Variants in TCF20 observed in about 807,000 individuals in gnomAD.
The protein encoded by TCF20 is SPRE-binding protein.
In TCF20, 3 loss-of-function variants were observed where a neutral mutation model predicts 148.6. The ratio of observed to expected loss-of-function variants is 0.02; its 90% CI spans 0.01 to 0.05. The LOEUF (loss-of-function observed/expected upper bound fraction) is 0.05. Ranked by LOEUF, TCF20 falls within the 10% of genes least tolerant of loss-of-function variation. The pLI is 1.00. For synonymous variants in TCF20, 1,049 were observed against 909.5 expected (o/e 1.15, Z -2.76); for missense variants, 2,350 against 2,429.3 (o/e 0.97, Z 0.69).
chr22:42,254,862 G>A (rs894700854), intron 1 of TCF20, among the ~76,000 whole-genome samples: 3 of 149,878 alleles, frequency 2.0e-5, no homozygotes, highest in African/African-American at 7.4e-5. Context: ...ATACTCTGGA[G>A]GCTGAGGCAG....
At chr22:42,315,375 G>C (rs375050425) in intron 1 of TCF20, among the ~76,000 whole-genome samples, 83 of 152,202 alleles carry the variant, frequency 5.5e-4, no homozygotes, top group African/African-American at 1.2e-3. Context: ...GCTCAGAGAG[G>C]AAGGACTCTC....
intron 2 of TCF20, among the ~76,000 whole-genome samples, chr22:42,184,083 G>A (rs1311454231): frequency 6.6e-6 from 1 of 151,928 alleles, no homozygotes; most frequent in Non-Finnish European, 1.5e-5. Context: ...GTTCTTTAAT[G>A]CAACAGATTT....
rs549674571 is a variant in TCF20, at chr22:42,193,394, C to T, written c.5656-13692G>A. ...TTGTGCCACTGTACTCATAGTGGAA[C>T]AATCAGAGCTCACTGCAACCTCAAA... On this transcript the variant is annotated intron_variant, in intron 2 of 5. Coordinates refer to ENST00000677622, the MANE Select transcript of TCF20 (RefSeq NM_001378418.1). Among the ~76,000 whole-genome samples the T allele has an allele frequency of 4.7e-5, 7 of 150,174 alleles. No individual in the cohort carries two copies. The South Asian group carries it at 8.7e-4, about 19-fold the overall frequency.
chr22:42,165,476 C>T (rs1935727361), intron 5 of TCF20, among the ~76,000 whole-genome samples: 1 of 152,224 alleles, frequency 6.6e-6, no homozygotes, highest in South Asian at 2.1e-4. Flanking sequence ...AAAAGCCCTG[C>T]CAACCAATGA....
Position 42,210,990 on chromosome 22 carries a change from C to T in TCF20, c.4316G>A (p.Gly1439Asp). The part of the protein sequence containing the change: ...PLPRSSEEWR[G>D]SVDDKVKTET... ...TGTCTTCACTTTGTCATCCACGCTGCCACGCCACTCTTCTGAAGACCTTGG... is the reference window on the plus strand; with the variant it reads ...TGTCTTCACTTTGTCATCCACGCTGTCACGCCACTCTTCTGAAGACCTTGG... The change falls in exon 2 of 6, where the codon GGC (glycine) becomes GAC (aspartate). Residue 1439 changes from glycine to aspartate, a missense_variant. Gly to Asp is a moderately conservative substitution (Grantham distance 94). This residue lies in a region of TCF20 where 231 missense variants were observed against 213.7 expected (regional missense o/e 1.08). Coordinates refer to ENST00000677622, the MANE Select transcript of TCF20 (RefSeq NM_001378418.1). The surrounding 1 kb of genome is among the most constrained non-coding windows in gnomAD (Gnocchi z 4.7). 6.2e-7 allele frequency: 1 copy of T among 1,614,130 alleles called. No homozygotes were observed. Among genetic ancestry groups the T allele is most frequent in the Non-Finnish European group, 8.5e-7 (1 of 1,180,016 alleles).
rs767100749 is a variant in TCF20, at chr22:42,214,355, TTGCTGC to T, written c.945_950del (p.Gln316_Gln317del). On this transcript the variant is annotated inframe_deletion, in exon 2 of 6. Transcript: ENST00000677622. ...GAGAAGGGTGTTGTTGTTGCTGCGG[TTGCTGC>T]TGCTGCTGCCCCTGTTGGGTCCCTT... The T allele has an allele frequency of 3.1e-6, 5 of 1,614,104 alleles. No individual in the cohort carries two copies. Among genetic ancestry groups the T allele is most frequent in the African/African-American group, 1.3e-5 (1 of 74,926 alleles).
intron 1 of TCF20, among the ~76,000 whole-genome samples, chr22:42,228,954 T>C (rs751044518): frequency 1.3e-5 from 2 of 152,196 alleles, no homozygotes; most frequent in Non-Finnish European, 2.9e-5. Context: ...TTTGTTTCTG[T>C]TGTGTCTGTG....
chr22:42,296,830 C>T (rs1417089474), intron 1 of TCF20, among the ~76,000 whole-genome samples: 1 of 152,232 alleles, frequency 6.6e-6, no homozygotes, highest in Non-Finnish European at 1.5e-5. Flanking sequence ...TTATTCAGCT[C>T]AGCTTTTCGC....
Position 42,215,144 on chromosome 22 carries a change from G to A in TCF20, c.162C>T (p.Gly54=). 6.2e-7 allele frequency: 1 copy of A among 1,606,744 alleles called. No individual in the cohort carries two copies. The highest frequency in any genetic ancestry group is 8.5e-7 in the Non-Finnish European group (1 of 1,173,558). The change falls in exon 2 of 6, where the codon GGC becomes GGT. Residue 54 remains glycine (G), a synonymous_variant. Transcript: ENST00000677622. ...TGGSSGSSGS[G]SGGGRRGAAA... ...CTGCTCCTCGTCGTCCACCACCACT[G>A]CCACTGCCACTGCTGCCACTACTGC... is the stretch of plus-strand genomic sequence containing the variant.
At chr22:42,308,143 G>C (rs1222724963) in intron 1 of TCF20, among the ~76,000 whole-genome samples, 1 of 152,088 alleles carries the variant, frequency 6.6e-6, no homozygotes, top group Admixed American at 6.6e-5. Flanking sequence ...TGTCTATAAT[G>C]CGTGGAGCCC....
chr22:42,227,377 T>C (rs184355445), intron 1 of TCF20, among the ~76,000 whole-genome samples: 1 of 152,236 alleles, frequency 6.6e-6, no homozygotes, highest in Non-Finnish European at 1.5e-5. Flanking sequence ...CTCCAACTGA[T>C]GCTTTACCTC....
At chr22:42,328,373 G>T (rs546181855) in intron 1 of TCF20, among the ~76,000 whole-genome samples, 1 of 152,310 alleles carries the variant, frequency 6.6e-6, no homozygotes, top group Non-Finnish European at 1.5e-5. Context: ...CAGGCATGTG[G>T]CTCCGAGGTC....
chr22:42,178,371 T>C (rs1936568379), intron 3 of TCF20, among the ~76,000 whole-genome samples: 1 of 152,214 alleles, frequency 6.6e-6, no homozygotes, highest in South Asian at 2.1e-4. Flanking sequence ...GATTGGTATA[T>C]GAAGTGGGGA....
At chr22:42,194,639 A>G (rs1024687175) in intron 2 of TCF20, among the ~76,000 whole-genome samples, 42 of 151,888 alleles carry the variant, frequency 2.8e-4, no homozygotes, top group African/African-American at 9.7e-4. Flanking sequence ...TTACTGAGAA[A>G]GCCAGGCAAA....
chr22:42,311,521 G>C (rs1927536497), intron 1 of TCF20, among the ~76,000 whole-genome samples: 2 of 152,338 alleles, frequency 1.3e-5, no homozygotes, highest in East Asian at 1.9e-4. Flanking sequence ...GCAAACCAGA[G>C]GGGCTGACCT....
intron 1 of TCF20, among the ~76,000 whole-genome samples, chr22:42,316,946 C>T (rs192926185): frequency 1.3e-5 from 2 of 152,320 alleles, no homozygotes; most frequent in African/African-American, 4.8e-5. Flanking sequence ...CGTCTTTTCC[C>T]GTCTGTGCCC....
intron 1 of TCF20, among the ~76,000 whole-genome samples, chr22:42,266,339 C>G (rs1926285832): frequency 6.6e-6 from 1 of 152,190 alleles, no homozygotes. Context: ...GAGTCTAGCA[C>G]AAAAGCTTGT....
At chr22:42,209,491 C>T (rs1920923581) in intron 2 of TCF20, among the ~76,000 whole-genome samples, 160 bp downstream of exon 2, 1 of 152,192 alleles carries the variant, frequency 6.6e-6, no homozygotes, top group African/African-American at 2.4e-5. Flanking sequence ...GAAGTCTATA[C>T]AAATCTTCCA....
rs369122797 is a variant in TCF20 at position 42,209,820 on chromosome 22, G to A, written c.5486C>T (p.Pro1829Leu). 56 of 1,614,084 alleles carry A rather than the reference G, an allele frequency of 3.5e-5. 1 individual carries two copies. The highest frequency in any genetic ancestry group is 4.5e-5 in the Non-Finnish European group (53 of 1,180,044). ...CTCAGGGCCACCTTCTGAAGTGGTG[G>A]GCACGGAGGGCTTCGAGTCCAAAAC... is the stretch of plus-strand genomic sequence containing the variant. ...KTVLDSKPSVPTTSEGGPELE... is the reference protein window; with the variant it reads ...KTVLDSKPSVLTTSEGGPELE... Residue 1829 changes from proline (P) to leucine (L), a missense_variant, in exon 2 of 6, where the codon CCC becomes CTC. Transcript: ENST00000677622.
Sources: allele counts gnomAD v4.1 joint callset (sites outside exome capture counted in the v4.1 genomes callset), GRCh38; gene constraint gnomAD v4.1.1; regional missense constraint gnomAD v4.1.1; non-coding constraint Gnocchi (gnomAD v3.1); transcripts MANE v1.5; gene names NCBI Gene and HGNC (gene_info 2026-07-23, HGNC 2026-07-21).